Variants in IGF1R observed in about 807,000 individuals in gnomAD.
IGF1R encodes insulin-like growth factor 1 receptor.
IGF1R carries 44 observed loss-of-function variants against 144.6 expected under a neutral mutation model. The ratio of observed to expected loss-of-function variants is 0.30; its 90% CI spans 0.24 to 0.39. The LOEUF is 0.39. Among genes scored for constraint, IGF1R ranks in the 10% least tolerant of loss-of-function variants. IGF1R has a pLI of 1.00. For missense variants in IGF1R, 1,355 were observed against 1,833.7 expected (o/e 0.74, Z 4.77); for synonymous variants, 795 against 722.8 (o/e 1.10, Z -1.60).
At chr15:98,816,475 C>T (rs1437293999) in intron 2 of IGF1R, among the ~76,000 whole-genome samples, 1 of 152,174 alleles carries the variant, frequency 6.6e-6, no homozygotes, top group African/African-American at 2.4e-5. Flanking sequence ...CCATCACTCC[C>T]CATCGGCCCA....
chr15:98,790,329 T>C lies in IGF1R; in HGVS notation c.640+82222T>C, dbSNP rs116733967. On this transcript the variant is annotated intron_variant, in intron 2 of 20. Transcript: ENST00000650285. Reference sequence around the variant, plus strand: ...AAACATGTGAAAGAGCCATCAGGGATAGTTTTGTCCTCCCTCTTCTTACAA... The same window carrying C: ...AAACATGTGAAAGAGCCATCAGGGACAGTTTTGTCCTCCCTCTTCTTACAA... Among the ~76,000 whole-genome samples, 714 of 152,310 alleles carry C rather than the reference T, an allele frequency of 4.7e-3. 6 individuals are homozygous for C. The highest frequency in any genetic ancestry group is 0.016 in the African/African-American group (683 of 41,564).
At chr15:98,885,696 G>A (rs2013606022) in intron 2 of IGF1R, among the ~76,000 whole-genome samples, 1 of 152,146 alleles carries the variant, frequency 6.6e-6, no homozygotes, top group African/African-American at 2.4e-5. Flanking sequence ...TTGAACATCT[G>A]CAGAATAAGT....
chr15:98,786,480 G>A (rs1045570663), intron 2 of IGF1R, among the ~76,000 whole-genome samples: 4 of 152,130 alleles, frequency 2.6e-5, no homozygotes, highest in Admixed American at 6.5e-5. Flanking sequence ...GCCAGGCCTC[G>A]GGTGTGGCAA....
In IGF1R at chr15:98,930,217, A is replaced by G. The variant is rs755933841; in HGVS notation, c.2886-18A>G. 6 of 1,600,080 alleles carry G rather than the reference A, an allele frequency of 3.7e-6. No individual in the cohort carries two copies. The highest frequency in any genetic ancestry group is 5.1e-6 in the Non-Finnish European group (6 of 1,167,806). ...TGGAGGTGGGGTTTTGTTAACGTGA[A>G]TTTAATCTTTTTGACAGAAATAACA... On this transcript the variant is annotated intron_variant, in intron 14 of 20. Transcript: ENST00000650285.
intron 10 of IGF1R, among the ~76,000 whole-genome samples, chr15:98,918,125 C>T (rs991313420): frequency 3.9e-5 from 6 of 152,094 alleles, no homozygotes; most frequent in African/African-American, 1.2e-4. Context: ...CACAGTGGTG[C>T]TCCCTGGCCC....
chr15:98,803,347 T>C (rs1555447229), intron 2 of IGF1R, among the ~76,000 whole-genome samples: 1 of 151,962 alleles, frequency 6.6e-6, no homozygotes, highest in Non-Finnish European at 1.5e-5. Flanking sequence ...GTGTAAAAGA[T>C]AAAAAAATGG....
chr15:98,795,712 A>G (rs557453775), intron 2 of IGF1R, among the ~76,000 whole-genome samples: 2 of 152,152 alleles, frequency 1.3e-5, no homozygotes, highest in Non-Finnish European at 2.9e-5. Flanking sequence ...CACTGCGCCT[A>G]TTATGTGTTT....
Position 98,916,048 on chromosome 15 carries a change from A to G in IGF1R, c.1913A>G (p.Asn638Ser), listed in dbSNP as rs144533252. ...AAGTGGAACCCTCCCTCTCTGCCCA[A>G]CGGCAACCTGAGTTACTACATTGTG... ...IVKWNPPSLP[N>S]GNLSYYIVRW... Residue 638 changes from asparagine to serine, a missense_variant, in exon 9 of 21, where the codon AAC becomes AGC. Asn to Ser is a conservative substitution (Grantham distance 46). Coordinates refer to ENST00000650285, the MANE Select transcript of IGF1R (RefSeq NM_000875.5). 9.3e-6 allele frequency: 15 copies of G among 1,613,916 alleles called. No homozygotes were observed. The highest frequency in any genetic ancestry group is 1.3e-5 in the Non-Finnish European group (15 of 1,179,996).
intron 11 of IGF1R, among the ~76,000 whole-genome samples, chr15:98,923,082 G>C (rs1041977191): frequency 2.6e-5 from 4 of 152,188 alleles, no homozygotes; most frequent in South Asian, 4.1e-4. Context: ...ATTGTAGCGT[G>C]CCTTGAGGCA....
chr15:98,862,331 C>T (rs534087536), intron 2 of IGF1R, among the ~76,000 whole-genome samples: 2 of 152,320 alleles, frequency 1.3e-5, no homozygotes, highest in East Asian at 1.9e-4. Context: ...AATTTTCTGT[C>T]GTGCATTTTG....
intron 2 of IGF1R, among the ~76,000 whole-genome samples, chr15:98,836,898 A>C (rs1312862145): frequency 6.6e-6 from 1 of 152,180 alleles, no homozygotes; most frequent in African/African-American, 2.4e-5. Flanking sequence ...CAAGATTGAC[A>C]TTGCATCTCA....
chr15:98,917,054 C>T, intron 10 of IGF1R, 178 bp downstream of exon 10: 1 of 693,848 alleles, frequency 1.4e-6, no homozygotes. Context: ...GGAAGCCAGT[C>T]AGCCCTGAAG....
intron 2 of IGF1R, among the ~76,000 whole-genome samples, chr15:98,887,176 C>G (rs2013681343): frequency 6.6e-6 from 1 of 152,194 alleles, no homozygotes; most frequent in African/African-American, 2.4e-5. Flanking sequence ...CCGAAACACA[C>G]CTGACTTCCC....
chr15:98,814,546 C>A (rs993046648), intron 2 of IGF1R, among the ~76,000 whole-genome samples: 1 of 152,166 alleles, frequency 6.6e-6, no homozygotes, highest in Non-Finnish European at 1.5e-5. Flanking sequence ...GGGGGTCTCA[C>A]CGTGTTGCCG....
intron 20 of IGF1R, among the ~76,000 whole-genome samples, chr15:98,950,311 CA>C (rs2151728812): frequency 6.6e-6 from 1 of 152,306 alleles, no homozygotes; most frequent in South Asian, 2.1e-4. Flanking sequence ...CCAGCAGCCA[CA>C]AAAGTTTTGC....
chr15:98,714,550 A>G (rs2054069836), intron 2 of IGF1R, among the ~76,000 whole-genome samples: 1 of 151,850 alleles, frequency 6.6e-6, no homozygotes, highest in Non-Finnish European at 1.5e-5. Flanking sequence ...GGAGGCTGAG[A>G]TGGGAGGATC....
intron 2 of IGF1R, among the ~76,000 whole-genome samples, chr15:98,830,552 C>T (rs374524115): frequency 1.4e-4 from 21 of 150,950 alleles, no homozygotes; most frequent in South Asian, 8.4e-4. Flanking sequence ...TTTTTTTTTC[C>T]GGCTCATGGT....
intron 18 of IGF1R, among the ~76,000 whole-genome samples, 188 bp downstream of exon 18, chr15:98,939,548 T>C (rs368407972): frequency 6.6e-6 from 1 of 152,326 alleles, no homozygotes; most frequent in East Asian, 1.9e-4. Flanking sequence ...CCAATGCTGA[T>C]AGCTCATGGA....
chr15:98,903,029 C>A (rs1053241928), intron 5 of IGF1R, among the ~76,000 whole-genome samples: 1 of 152,166 alleles, frequency 6.6e-6, no homozygotes, highest in Non-Finnish European at 1.5e-5. Flanking sequence ...AAAGCCATAG[C>A]CATGGTTTCC....
Sources: gnomAD v4.1 joint callset for allele counts (sites outside exome capture counted in the v4.1 genomes callset) on GRCh38, gnomAD v4.1.1 for gene constraint, MANE v1.5 for transcripts, NCBI Gene and HGNC (gene_info 2026-07-23, HGNC 2026-07-21) for gene names.